Variants in STAT4 observed in about 807,000 individuals in gnomAD.
STAT4 encodes signal transducer and activator of transcription 4.
A neutral mutation model predicts 110.5 loss-of-function variants in STAT4; 42 were observed. That is an observed-to-expected ratio of 0.38 (90% CI 0.30 to 0.49). STAT4 has a LOEUF of 0.49. Among genes scored for constraint, STAT4 ranks in the 20% least tolerant of loss-of-function variants. The pLI, the probability that STAT4 is intolerant of heterozygous loss-of-function variation, is 0.95. For synonymous variants in STAT4, 284 were observed against 302.2 expected (o/e 0.94, Z 0.63); for missense variants, 632 against 887.9 (o/e 0.71, Z 3.66).
intron 3 of STAT4, among the ~76,000 whole-genome samples, chr2:191,114,414 G>A (rs1698518158): frequency 6.6e-6 from 1 of 152,126 alleles, no homozygotes. Flanking sequence ...TACATTTTGT[G>A]TGCAGTATAG....
chr2:191,137,808 C>A (rs910744561), intron 3 of STAT4, among the ~76,000 whole-genome samples: 2 of 151,904 alleles, frequency 1.3e-5, no homozygotes, highest in African/African-American at 4.8e-5. Flanking sequence ...GATATCCCTA[C>A]ACCGAAGAAT....
chr2:191,076,416 A>G, intron 3 of STAT4, 91 bp from the exon 4 acceptor site: 1 of 879,110 alleles, frequency 1.1e-6, no homozygotes, highest in Non-Finnish European at 1.8e-6. Context: ...AACAACAACA[A>G]TCTCCTATTA....
chr2:191,049,988 C>G (rs974554510), intron 14 of STAT4, among the ~76,000 whole-genome samples: 1 of 152,194 alleles, frequency 6.6e-6, no homozygotes, highest in Non-Finnish European at 1.5e-5. Flanking sequence ...TTTGAGAACA[C>G]TGAACCTTGA....
intron 3 of STAT4, among the ~76,000 whole-genome samples, chr2:191,120,530 G>T (rs115624599): frequency 2.7e-4 from 41 of 152,200 alleles, no homozygotes; most frequent in African/African-American, 9.4e-4. Flanking sequence ...CCAATCAACA[G>T]GCAAAGGAAT....
chr2:191,067,348 T>C (rs187330892), intron 6 of STAT4, among the ~76,000 whole-genome samples: 80 of 152,190 alleles, frequency 5.3e-4, no homozygotes, highest in Non-Finnish European at 9.7e-4. Flanking sequence ...AGCTCCCTGA[T>C]CTACCTAGAA....
Position 191,033,005 on chromosome 2 carries a change from G to A in STAT4, c.1997C>T (p.Pro666Leu). The change falls in exon 21 of 24, where the codon CCC becomes CTC. Residue 666 changes from proline (P) to leucine (L), a missense_variant. By Grantham distance (98) the Pro-to-Leu change is moderately conservative. Transcript: ENST00000392320. This position sits in a 1 kb window ranked among gnomAD's most constrained non-coding sequence, Gnocchi z 6.9. Reference protein sequence around the residue: ...NPLKYLYPDIPKDKAFGKHYS... With the variant: ...NPLKYLYPDILKDKAFGKHYS... ...GTGTTTACCGAAGGCTTTGTCTTTG[G>A]GAATGTCAGGATATAGGTACTTCAG... 1 of 1,614,160 alleles carries A rather than the reference G, an allele frequency of 6.2e-7. No individual in the cohort carries two copies. The highest frequency in any genetic ancestry group is 8.5e-7 in the Non-Finnish European group (1 of 1,180,022).
chr2:191,145,394 A>C (rs1266600129), intron 3 of STAT4, among the ~76,000 whole-genome samples: 2 of 152,218 alleles, frequency 1.3e-5, no homozygotes, highest in Non-Finnish European at 2.9e-5. Flanking sequence ...GGCCATATGA[A>C]AATGGGCAGT....
At position 191,060,521 on chromosome 2, in the gene STAT4, C is replaced by A. The variant is rs150825175; in HGVS notation, c.1034+1208G>T. Among the ~76,000 whole-genome samples the A allele has an allele frequency of 6.6e-6, 1 of 152,160 alleles. No individual in the cohort carries two copies. Among genetic ancestry groups the A allele is most frequent in the East Asian group, 1.9e-4 (1 of 5,186 alleles). On this transcript the variant is annotated intron_variant, in intron 10 of 23. Coordinates refer to ENST00000392320, the MANE Select transcript of STAT4 (RefSeq NM_003151.4). The surrounding 1 kb of genome is among the most constrained non-coding windows in gnomAD (Gnocchi z 4.5). Reference sequence around the variant, plus strand: ...GCAACCTCTACCTACTGGGTTCAAGCGATTCTCCTGCCTCAGCCTCTTAAG... The same window carrying A: ...GCAACCTCTACCTACTGGGTTCAAGAGATTCTCCTGCCTCAGCCTCTTAAG...
intron 3 of STAT4, among the ~76,000 whole-genome samples, chr2:191,081,696 A>G (rs904642944): frequency 2.0e-5 from 3 of 152,010 alleles, no homozygotes; most frequent in Non-Finnish European, 4.4e-5. Flanking sequence ...ATTCTTAGAC[A>G]TTGTTTTACA....
chr2:191,139,677 C>T (rs2125441827), intron 3 of STAT4, among the ~76,000 whole-genome samples: 1 of 152,246 alleles, frequency 6.6e-6, no homozygotes, highest in Non-Finnish European at 1.5e-5. Context: ...GACCACTCTG[C>T]CCAAATCAGT....
At chr2:191,122,511 A>G (rs1292540984) in intron 3 of STAT4, among the ~76,000 whole-genome samples, 1 of 152,188 alleles carries the variant, frequency 6.6e-6, no homozygotes, top group Non-Finnish European at 1.5e-5. Context: ...GAATATGCTC[A>G]AAAGAAATGA....
At chr2:191,097,196 C>G (rs1048873005) in intron 3 of STAT4, among the ~76,000 whole-genome samples, 3 of 152,098 alleles carry the variant, frequency 2.0e-5, no homozygotes, top group Non-Finnish European at 2.9e-5. Context: ...CCATACTGCC[C>G]AATATAATTT....
chr2:191,119,307 T>C (rs561864156), intron 3 of STAT4, among the ~76,000 whole-genome samples: 3 of 152,252 alleles, frequency 2.0e-5, no homozygotes, highest in Non-Finnish European at 2.9e-5. Flanking sequence ...GATCAGAATA[T>C]AGGAGAGGAG....
intron 3 of STAT4, among the ~76,000 whole-genome samples, chr2:191,136,922 A>T (rs1313495536): frequency 2.0e-5 from 3 of 152,268 alleles, no homozygotes; most frequent in Admixed American, 1.3e-4. Context: ...AAAATGAATT[A>T]GCTGAGAAAG....
In STAT4 at chr2:191,029,585, A is replaced by G; in HGVS notation, c.*255T>C. ...AACACAGGCAAGCGAGTCTTCTGTTAATATTGTTATTAACACTGGTTTCTT... is the reference window on the plus strand; with the variant it reads ...AACACAGGCAAGCGAGTCTTCTGTTGATATTGTTATTAACACTGGTTTCTT... On this transcript the variant is annotated 3_prime_UTR_variant, in exon 24 of 24. Coordinates refer to ENST00000392320, the MANE Select transcript of STAT4 (RefSeq NM_003151.4). This position sits in a 1 kb window ranked among gnomAD's most constrained non-coding sequence, Gnocchi z 4.5. The G allele has an allele frequency of 2.1e-6, 1 of 480,346 alleles. No individual in the cohort carries two copies. 29.8% of individuals were successfully genotyped at this position (480,346 alleles called of 1,614,324 possible).
At chr2:191,071,310 C>T (rs1697143422) in intron 5 of STAT4, among the ~76,000 whole-genome samples, 3 of 152,170 alleles carry the variant, frequency 2.0e-5, no homozygotes, top group Admixed American at 6.5e-5. Flanking sequence ...CCCAATACCA[C>T]TTGTAGCATT....
chr2:191,145,335 T>C (rs1472784323), intron 3 of STAT4, among the ~76,000 whole-genome samples: 1 of 152,202 alleles, frequency 6.6e-6, no homozygotes, highest in Non-Finnish European at 1.5e-5. Flanking sequence ...CTATTTTATT[T>C]TTATTCTTTT....
chr2:191,047,600 T>G (rs562910173), intron 14 of STAT4, among the ~76,000 whole-genome samples: 2 of 152,056 alleles, frequency 1.3e-5, no homozygotes, highest in Non-Finnish European at 2.9e-5. Flanking sequence ...AGAGTAAGAG[T>G]AGAAAAAAGT....
At chr2:191,067,045 C>T (rs1574724773) in intron 6 of STAT4, among the ~76,000 whole-genome samples, 2 of 151,330 alleles carry the variant, frequency 1.3e-5, no homozygotes, top group South Asian at 4.2e-4. Context: ...CTTTACTTTC[C>T]CCCACTTTTT....
Sources: gnomAD v4.1 joint callset for allele counts (sites outside exome capture counted in the v4.1 genomes callset) on GRCh38, gnomAD v4.1.1 for gene constraint, Gnocchi (gnomAD v3.1) non-coding constraint, MANE v1.5 for transcripts, NCBI Gene and HGNC (gene_info 2026-07-23, HGNC 2026-07-21) for gene names.